The following CAST variants were observed in gnomAD, a reference collection of about 807,000 sequenced individuals.
The protein encoded by CAST is MIR583 host.
Under a neutral mutation model 119.6 loss-of-function variants are expected in CAST, and 76 were observed. The observed-to-expected ratio is 0.64, with a 90% CI of 0.53 to 0.77. The LOEUF is 0.77. Among genes scored for constraint, CAST ranks in the 30% least tolerant of loss-of-function variants. CAST has a pLI of 0.00. For missense variants in CAST, 953 were observed against 946.5 expected (o/e 1.01, Z -0.09); for synonymous variants, 319 against 331.6 (o/e 0.96, Z 0.41).
At chr5:96,668,842 A>G (rs930719171) in intron 1 of CAST, among the ~76,000 whole-genome samples, 2 of 150,918 alleles carry the variant, frequency 1.3e-5, no homozygotes, top group Non-Finnish European at 3.0e-5. Context: ...CCGTCAGGGG[A>G]GGGTGAGGCA....
At chr5:96,129,820 A>G in the CAST span, among the ~76,000 whole-genome samples, 1 of 151,638 alleles carries the variant, frequency 6.6e-6, no homozygotes, top group African/African-American at 2.4e-5. Context: ...AAAGTTTATG[A>G]TTTCAAATAC....
intron 1 of CAST, among the ~76,000 whole-genome samples, chr5:96,581,376 A>T (rs1580833653): frequency 6.6e-6 from 1 of 152,348 alleles, no homozygotes; most frequent in East Asian, 1.9e-4. Context: ...CATAGGCAAA[A>T]GTTTGATAAA....
At chr5:96,425,067 A>AGAAAGAAG in the CAST span, among the ~76,000 whole-genome samples, 1 of 146,984 alleles carries the variant, frequency 6.8e-6, no homozygotes, top group Non-Finnish European at 1.5e-5. Flanking sequence ...AAAGAAAGAA[A>AGAAAGAAG]GAAAGAAAAC....
intron 1 of CAST, among the ~76,000 whole-genome samples, chr5:96,561,786 G>GGTTTTTTTTTGT (rs1189100090): frequency 9.5e-6 from 1 of 105,432 alleles, no homozygotes; most frequent in South Asian, 3.6e-4. Context: ...TTATATATAT[G>GGTTTTTTTTTGT]TTTTTTTTTG....
chr5:96,619,757 G>A (rs756236528), intron 1 of CAST, among the ~76,000 whole-genome samples: 78 of 150,450 alleles, frequency 5.2e-4, no homozygotes, highest in Non-Finnish European at 2.5e-4. Context: ...AACACTCACC[G>A]CGAGGGTCCG....
intron 1 of CAST, among the ~76,000 whole-genome samples, chr5:96,617,585 C>A (rs569055924): frequency 2.6e-5 from 4 of 151,574 alleles, no homozygotes; most frequent in Non-Finnish European, 4.4e-5. Context: ...GTCAGGAGAT[C>A]GAGACCATCC....
At chr5:96,557,728 A>T (rs993690560) in intron 1 of CAST, among the ~76,000 whole-genome samples, 1 of 152,212 alleles carries the variant, frequency 6.6e-6, no homozygotes, top group Non-Finnish European at 1.5e-5. Flanking sequence ...ACCTACAAAG[A>T]AACTTAGACT....
At chr5:96,162,815 G>A in the CAST span, among the ~76,000 whole-genome samples, 1 of 152,104 alleles carries the variant, frequency 6.6e-6, no homozygotes, top group Non-Finnish European at 1.5e-5. Context: ...GTTAATATTT[G>A]TTGATGATTT....
the CAST span, among the ~76,000 whole-genome samples, chr5:96,285,234 T>C: frequency 6.6e-6 from 1 of 152,132 alleles, no homozygotes; most frequent in African/African-American, 2.4e-5. Context: ...TTTTATGGAG[T>C]TTACATTTTA....
chr5:96,100,602 G>A, the CAST span, among the ~76,000 whole-genome samples: 2 of 152,192 alleles, frequency 1.3e-5, no homozygotes, highest in African/African-American at 4.8e-5. Flanking sequence ...CTACCTGGGT[G>A]GGCTTGGGCA....
the CAST span, among the ~76,000 whole-genome samples, chr5:96,462,359 T>C: frequency 6.6e-6 from 1 of 152,034 alleles, no homozygotes; most frequent in Non-Finnish European, 1.5e-5. Context: ...GCCACTAAAC[T>C]ACAATTTCCA....
the CAST span, among the ~76,000 whole-genome samples, chr5:96,238,909 T>C: frequency 6.6e-6 from 1 of 152,162 alleles, no homozygotes; most frequent in South Asian, 2.1e-4. Context: ...ATCAGCAAAC[T>C]TATTTCTTTT....
At chr5:96,518,375 G>C in the CAST span, among the ~76,000 whole-genome samples, 11 of 152,196 alleles carry the variant, frequency 7.2e-5, no homozygotes, top group Non-Finnish European at 1.3e-4. Flanking sequence ...ATTAGATTAT[G>C]GGATATCTGG....
At chr5:96,410,727 C>G in the CAST span, 1 of 1,435,534 alleles carries the variant, frequency 7.0e-7, no homozygotes, top group Admixed American at 1.7e-5. Context: ...CACATGCATG[C>G]CACGCTCTCC....
chr5:96,739,214 G>T (rs996778884), intron 11 of CAST, among the ~76,000 whole-genome samples: 1 of 152,168 alleles, frequency 6.6e-6, no homozygotes, highest in African/African-American at 2.4e-5. Context: ...CCTATAGCTG[G>T]TGGGTGTTCA....
the CAST span, among the ~76,000 whole-genome samples, chr5:96,121,530 AG>A: frequency 3.0e-4 from 45 of 151,984 alleles, no homozygotes; most frequent in African/African-American, 9.9e-4. Flanking sequence ...GCTTAAAGAA[AG>A]GCTCAGATTA....
the CAST span, among the ~76,000 whole-genome samples, chr5:96,333,686 C>T: frequency 6.6e-6 from 1 of 152,026 alleles, no homozygotes; most frequent in Non-Finnish European, 1.5e-5. Context: ...GTTGGGGAGG[C>T]CTCTGTGCGG....
chr5:96,237,733 C>A, the CAST span, among the ~76,000 whole-genome samples: 4 of 151,772 alleles, frequency 2.6e-5, no homozygotes, highest in African/African-American at 9.7e-5. Flanking sequence ...ATTATATGTA[C>A]ATATTTTTAA....
At chr5:96,704,041 G>A (rs1157859068) in intron 3 of CAST, among the ~76,000 whole-genome samples, 1 of 152,156 alleles carries the variant, frequency 6.6e-6, no homozygotes, top group Non-Finnish European at 1.5e-5. Flanking sequence ...GTGAAATTTA[G>A]CAAAATCTTG....
Sources: allele counts gnomAD v4.1 joint callset (sites outside exome capture counted in the v4.1 genomes callset), GRCh38; gene constraint gnomAD v4.1.1; transcripts MANE v1.5; gene names NCBI Gene and HGNC (gene_info 2026-07-23, HGNC 2026-07-21).